Variants in THUMPD3 observed in about 807,000 individuals in gnomAD.
THUMPD3 encodes tRNA (guanine(6)-N(2))-methyltransferase THUMP3.
In THUMPD3, 44 loss-of-function variants were observed where a neutral mutation model predicts 54.5. The ratio of observed to expected loss-of-function variants is 0.81; its 90% CI spans 0.63 to 1.04. The LOEUF is 1.04. Ranked by LOEUF, THUMPD3 falls within the 50% of genes least tolerant of loss-of-function variation. The probability of loss-of-function intolerance (pLI) is 0.00; values close to 1 mark genes in which losing one functional copy is unlikely to be tolerated. For synonymous variants in THUMPD3, 196 were observed against 201.4 expected (o/e 0.97, Z 0.23); for missense variants, 604 against 601.3 (o/e 1.00, Z -0.05).
intron 6 of THUMPD3, among the ~76,000 whole-genome samples, chr3:9,378,767 C>G (rs571899899): frequency 6.6e-6 from 1 of 152,040 alleles, no homozygotes; most frequent in African/African-American, 2.4e-5. Context: ...GACTGTGTTC[C>G]GTGAAAGCTA....
At chr3:9,381,756 CTTTTTTTTTTTTTTTTT>C (rs753480713) in intron 7 of THUMPD3, among the ~76,000 whole-genome samples, 2 of 44,368 alleles carry the variant, frequency 4.5e-5, no homozygotes, top group African/African-American at 2.1e-4. Context: ...TCAACCCGTA[CTTTTTTTTTTTTTTTTT>C]TTTTTTTTTT....
intron 4 of THUMPD3, among the ~76,000 whole-genome samples, chr3:9,373,347 T>C (rs1482741359): frequency 6.6e-6 from 1 of 151,600 alleles, no homozygotes; most frequent in Non-Finnish European, 1.5e-5. Context: ...AAAAAAAAAA[T>C]TAGCTGAGTA....
At chr3:9,382,385 C>A (rs940695193) in intron 7 of THUMPD3, among the ~76,000 whole-genome samples, 2 of 152,026 alleles carry the variant, frequency 1.3e-5, no homozygotes, top group African/African-American at 2.4e-5. Flanking sequence ...ATTATTCATT[C>A]TGTCTTCTGT....
At chr3:9,378,636 T>C (rs2032652591) in intron 6 of THUMPD3, among the ~76,000 whole-genome samples, 1 of 152,200 alleles carries the variant, frequency 6.6e-6, no homozygotes, top group Admixed American at 6.5e-5. Flanking sequence ...GGGTAGAAAC[T>C]GGACAGATGA....
chr3:9,366,620 C>T (rs1468672652), intron 2 of THUMPD3, among the ~76,000 whole-genome samples: 2 of 152,200 alleles, frequency 1.3e-5, no homozygotes, highest in African/African-American at 4.8e-5. Context: ...AAATATGATA[C>T]AGCCCACCTG....
chr3:9,367,303 C>T (rs2125309650), intron 3 of THUMPD3, among the ~76,000 whole-genome samples: 1 of 152,322 alleles, frequency 6.6e-6, no homozygotes. Flanking sequence ...AGAACATGAA[C>T]CAAAGAACAA....
Position 9,375,315 on chromosome 3 carries a change from A to G in THUMPD3, c.938+669A>G, listed in dbSNP as rs149672802. ...GATGAAAGCAGAGATTTTTATGTGT[A>G]TAACGTGTAAATGAACAGAAAGAGC... On this transcript the variant is annotated intron_variant, in intron 5 of 9. Coordinates refer to ENST00000452837, the MANE Select transcript of THUMPD3 (RefSeq NM_001114092.2). Among the ~76,000 whole-genome samples the G allele has an allele frequency of 1.1e-4, 17 of 152,328 alleles. No homozygotes were observed. The East Asian group carries it at 1.7e-3, about 16-fold the overall frequency.
intron 8 of THUMPD3, among the ~76,000 whole-genome samples, chr3:9,383,782 C>T (rs1378364039): frequency 6.6e-6 from 1 of 152,054 alleles, no homozygotes; most frequent in East Asian, 1.9e-4. Context: ...TGCCATCATG[C>T]CCAGCTTATT....
At chr3:9,381,067 G>A (rs1487902106) in intron 7 of THUMPD3, among the ~76,000 whole-genome samples, 1 of 152,140 alleles carries the variant, frequency 6.6e-6, no homozygotes, top group African/African-American at 2.4e-5. Flanking sequence ...TAGTAGCTAG[G>A]AATACAGGCA....
chr3:9,377,345 CA>C (rs1263972389), intron 5 of THUMPD3, among the ~76,000 whole-genome samples: 1 of 152,048 alleles, frequency 6.6e-6, no homozygotes, highest in Non-Finnish European at 1.5e-5. Context: ...ATGGAATATA[CA>C]GTCAACATAT....
At chr3:9,381,715 A>T (rs1390751096) in intron 7 of THUMPD3, among the ~76,000 whole-genome samples, 1 of 77,832 alleles carries the variant, frequency 1.3e-5, no homozygotes, top group East Asian at 4.6e-4. Context: ...GCTTCTGAAT[A>T]TTTTATCTTG....
chr3:9,385,331 C>A lies in THUMPD3; in HGVS notation c.*643C>A, dbSNP rs2033259178. 6.6e-6 allele frequency: 1 copy of A among 152,230 alleles called. No homozygotes were observed. Among genetic ancestry groups the A allele is most frequent in the Admixed American group, 6.5e-5 (1 of 15,278 alleles). 9.4% of individuals were successfully genotyped at this position (152,230 alleles called of 1,614,324 possible). On this transcript the variant is annotated 3_prime_UTR_variant, in exon 10 of 10. Coordinates refer to ENST00000452837, the MANE Select transcript of THUMPD3 (RefSeq NM_001114092.2). ...TTCCATTGTGTCAAGTGCAAAACTA[C>A]CCTGGCCCAAAGGAAGGGCAGAGAA...
In THUMPD3 at chr3:9,371,673, C is replaced by G. The variant is rs1197681537; in HGVS notation, c.807+137C>G. The G allele has an allele frequency of 5.1e-6, 4 of 778,802 alleles. No homozygotes were observed. The African/African-American group carries it at 5.2e-5, about 10-fold the overall frequency. The allele number at this position is 778,802 out of a possible 1,614,324, so 48.2% of individuals were successfully genotyped here. A position where few individuals can be genotyped will look rare whatever the true frequency, so the allele number is the denominator to read the frequency against. ...TTAAGAAGAGCATAGGCTATGGAGA[C>G]AGATTTAGATCCAAATTTTAACTCC... On this transcript the variant is annotated intron_variant, in intron 4 of 9. Coordinates refer to ENST00000452837, the MANE Select transcript of THUMPD3 (RefSeq NM_001114092.2).
At chr3:9,376,964 C>T (rs1002538270) in intron 5 of THUMPD3, among the ~76,000 whole-genome samples, 1 of 151,990 alleles carries the variant, frequency 6.6e-6, no homozygotes, top group African/African-American at 2.4e-5. Flanking sequence ...AAGTCCATGC[C>T]CAGGAAATAC....
intron 1 of THUMPD3, 64 bp from the exon 2 acceptor site, chr3:9,364,952 G>A: frequency 7.1e-7 from 1 of 1,399,688 alleles, no homozygotes; most frequent in Non-Finnish European, 9.7e-7. Flanking sequence ...CAGAGCCCAT[G>A]TTTTTAATTA....
In THUMPD3 at chr3:9,380,531, A is replaced by G. The variant is rs1231665368; in HGVS notation, c.1037A>G (p.His346Arg). The G allele has an allele frequency of 1.2e-6, 2 of 1,613,554 alleles. No homozygotes were observed. Among genetic ancestry groups the G allele is most frequent in the Non-Finnish European group, 1.7e-6 (2 of 1,179,682 alleles). ...GCCACTGAATGGTCTGACTGTTTCC[A>G]TATTGCTGGTGATAATAATCCACTG... ...EGATEWSDCFHIAGDNNPLAV... is the reference protein window; with the variant it reads ...EGATEWSDCFRIAGDNNPLAV... The change falls in exon 7 of 10, where the codon CAT becomes CGT. Residue 346 changes from histidine to arginine, a missense_variant. Transcript: ENST00000452837.
Position 9,380,602 on chromosome 3 carries a change from A to G in THUMPD3, c.1108A>G (p.Ser370Gly). The G allele has an allele frequency of 1.2e-6, 2 of 1,611,246 alleles. No homozygotes were observed. The highest frequency in any genetic ancestry group is 1.7e-6 in the Non-Finnish European group (2 of 1,178,206). The change falls in exon 7 of 10, where the codon AGC becomes GGC. Residue 370 changes from serine to glycine, a missense_variant. By Grantham distance (56) the Ser-to-Gly change is moderately conservative (BLOSUM62 0). Transcript: ENST00000452837. ...TAACATTGCATCTTTATTGACCAAG[A>G]GCCAAATTAAAGAAGGGTAAAAATT... ...ANNIASLLTK[S>G]QIKEGKPSWG...
chr3:9,384,103 C>T, intron 8 of THUMPD3, 109 bp from the exon 9 acceptor site: 1 of 1,233,714 alleles, frequency 8.1e-7, no homozygotes, highest in East Asian at 2.4e-5. Context: ...GTTTCTAAAA[C>T]TACAGCTATT....
rs1270866765 is a variant in THUMPD3, at chr3:9,386,148, G to C, written c.*1460G>C. 4 of 152,210 alleles carry C rather than the reference G, an allele frequency of 2.6e-5. No individual in the cohort carries two copies. In the East Asian group the frequency reaches 5.8e-4, roughly 22 times the overall value. 9.4% of individuals were successfully genotyped at this position (152,210 alleles called of 1,614,324 possible). On this transcript the variant is annotated 3_prime_UTR_variant, in exon 10 of 10. Transcript: ENST00000452837. ...CCAGCAATCCTCATCTGGTTTCTCT[G>C]ATCTCCTACCCCACACTTCATAATG...
Sources: gnomAD v4.1 joint callset for allele counts (sites outside exome capture counted in the v4.1 genomes callset) on GRCh38, gnomAD v4.1.1 for gene constraint, MANE v1.5 for transcripts, NCBI Gene and HGNC (gene_info 2026-07-23, HGNC 2026-07-21) for gene names.